The following EFCAB6 variants were observed in gnomAD, a reference collection of about 807,000 sequenced individuals.
The protein encoded by EFCAB6 is EF-hand calcium binding domain 6.
EFCAB6 carries 156 observed loss-of-function variants against 169.8 expected under a neutral mutation model. The ratio of observed to expected loss-of-function variants is 0.92; its 90% CI spans 0.81 to 1.05. The LOEUF is 1.05. Among genes scored for constraint, EFCAB6 ranks in the 50% least tolerant of loss-of-function variants. EFCAB6 has a pLI of 0.00. For missense variants in EFCAB6, 1,800 were observed against 1,829.1 expected (o/e 0.98, Z 0.29); for synonymous variants, 698 against 676.4 (o/e 1.03, Z -0.50).
rs200861793 is a variant in EFCAB6, at chr22:43,555,055, C to T, written c.3462G>A (p.Pro1154=). ...EWAEKMPKGP[P]PTSPKATADR... ...CGGCTGTGGCCTTGGGAGAGGTAGG[C>T]GGCGGGCCTTTGGGCATTTTCTCAG... The change falls in exon 27 of 32, where the codon CCG becomes CCA. Residue 1154 remains proline, a synonymous_variant. Coordinates refer to ENST00000262726, the MANE Select transcript of EFCAB6 (RefSeq NM_022785.4). 1.1e-5 allele frequency: 17 copies of T among 1,614,202 alleles called. No individual in the cohort carries two copies. Among genetic ancestry groups the T allele is most frequent in the African/African-American group, 1.3e-5 (1 of 75,040 alleles).
intron 5 of EFCAB6, among the ~76,000 whole-genome samples, chr22:43,761,118 G>A (rs2082713986): frequency 6.6e-6 from 1 of 152,152 alleles, no homozygotes. Flanking sequence ...ATAGGAGGGT[G>A]CCAATACTCT....
intron 8 of EFCAB6, among the ~76,000 whole-genome samples, chr22:43,718,131 G>T (rs1424048189): frequency 6.6e-6 from 1 of 151,962 alleles, no homozygotes; most frequent in African/African-American, 2.4e-5. Context: ...ACACGAAAAA[G>T]AAAAAGTGGT....
Position 43,711,916 on chromosome 22 carries a change from G to A in EFCAB6, c.883-293C>T, listed in dbSNP as rs541120496. Among the ~76,000 whole-genome samples, 39 of 152,198 alleles carry A rather than the reference G, an allele frequency of 2.6e-4. No individual in the cohort carries two copies. In the South Asian group the frequency reaches 3.7e-3, roughly 15 times the overall value. On this transcript the variant is annotated intron_variant, in intron 9 of 31. Transcript: ENST00000262726. ...GCTAAAAATACTTGGTAGATCTGCC[G>A]GTTTGATACATCTTCCTTAATATAC... is the stretch of plus-strand genomic sequence containing the variant.
intron 26 of EFCAB6, among the ~76,000 whole-genome samples, chr22:43,565,652 T>A (rs62226968): frequency 6.6e-6 from 1 of 152,180 alleles, no homozygotes; most frequent in Non-Finnish European, 1.5e-5. Flanking sequence ...AATGTAATTA[T>A]GAAGTTTATA....
At chr22:43,565,000 G>T (rs190237490) in intron 26 of EFCAB6, among the ~76,000 whole-genome samples, 1 of 152,330 alleles carries the variant, frequency 6.6e-6, no homozygotes, top group Non-Finnish European at 1.5e-5. Context: ...CTGTCTGTGT[G>T]CATGCCCTTT....
chr22:43,805,882 G>T (rs2062898980), intron 2 of EFCAB6, among the ~76,000 whole-genome samples: 1 of 152,106 alleles, frequency 6.6e-6, no homozygotes, highest in African/African-American at 2.4e-5. Context: ...AAGAAAAATA[G>T]GGCTGGGAGC....
intron 6 of EFCAB6, 52 bp from the exon 7 acceptor site, chr22:43,736,045 C>A: frequency 1.4e-6 from 2 of 1,478,026 alleles, no homozygotes; most frequent in East Asian, 2.5e-5. Context: ...TGTTAGGAAC[C>A]AAATGGTAAT....
intron 10 of EFCAB6, among the ~76,000 whole-genome samples, chr22:43,701,649 T>C (rs1037717963): frequency 2.6e-5 from 4 of 151,114 alleles, no homozygotes; most frequent in African/African-American, 9.7e-5. Context: ...GGTGGGAAAA[T>C]AGATTATCTA....
chr22:43,639,162 G>A (rs1326007909), intron 17 of EFCAB6, among the ~76,000 whole-genome samples: 7 of 152,166 alleles, frequency 4.6e-5, no homozygotes, highest in Non-Finnish European at 7.4e-5. Flanking sequence ...ATTCCTATGC[G>A]GTTTTTAAAT....
At chr22:43,712,801 C>T (rs1386390734) in intron 9 of EFCAB6, among the ~76,000 whole-genome samples, 1 of 151,602 alleles carries the variant, frequency 6.6e-6, no homozygotes, top group Admixed American at 6.6e-5. Flanking sequence ...TTTTTTTCTT[C>T]AGGAGAGTGT....
chr22:43,601,362 A>G (rs768277773), intron 22 of EFCAB6, among the ~76,000 whole-genome samples: 21 of 152,252 alleles, frequency 1.4e-4, no homozygotes, highest in Admixed American at 4.6e-4. Context: ...ATTTTTACAG[A>G]AAGATCTTGG....
intron 2 of EFCAB6, among the ~76,000 whole-genome samples, chr22:43,786,512 G>A (rs1180043209): frequency 1.3e-5 from 2 of 151,892 alleles, no homozygotes; most frequent in Non-Finnish European, 2.9e-5. Flanking sequence ...ACGAGGTCAG[G>A]AGATCAAGAC....
At chr22:43,545,567 G>C (rs2048008578) in intron 27 of EFCAB6, among the ~76,000 whole-genome samples, 1 of 152,232 alleles carries the variant, frequency 6.6e-6, no homozygotes, top group South Asian at 2.1e-4. Context: ...GGAGGCCAAA[G>C]TTTTGCGGAT....
intron 2 of EFCAB6, among the ~76,000 whole-genome samples, chr22:43,800,704 G>A (rs931246507): frequency 1.3e-5 from 2 of 151,902 alleles, no homozygotes; most frequent in Non-Finnish European, 2.9e-5. Flanking sequence ...ATTCATTAAC[G>A]GCTACCAACA....
At chr22:43,784,018 G>A (rs1011292248) in intron 2 of EFCAB6, among the ~76,000 whole-genome samples, 5 of 152,116 alleles carry the variant, frequency 3.3e-5, no homozygotes, top group East Asian at 1.9e-4. Flanking sequence ...ACAGTGAGCC[G>A]TGATTACGCC....
At chr22:43,542,271 A>G (rs987446659) in intron 27 of EFCAB6, among the ~76,000 whole-genome samples, 2 of 152,206 alleles carry the variant, frequency 1.3e-5, no homozygotes, top group African/African-American at 4.8e-5. Flanking sequence ...GGGGCTGGCC[A>G]ACTCCCTAAT....
Position 43,711,482 on chromosome 22 carries a change from T to C in EFCAB6, c.1024A>G (p.Met342Val), listed in dbSNP as rs769171630. The change falls in exon 10 of 32, where the codon ATG becomes GTG. Residue 342 changes from methionine (M) to valine (V), a missense_variant. Physicochemically the swap from Met to Val is conservative, Grantham distance 21. Transcript: ENST00000262726. ...QIPRRIFIQL[M>V]KRFGLKATTK... ...AAACAATGAGACTCTTACCTTTTCA[T>C]TAACTGGATAAAAATTCTTCTTGGT... The C allele has an allele frequency of 3.8e-6, 6 of 1,579,880 alleles. No individual in the cohort carries two copies. The African/African-American group carries it at 6.9e-5, about 18-fold the overall frequency.
chr22:43,623,377 G>GA (rs1387184340), intron 20 of EFCAB6, among the ~76,000 whole-genome samples: 2 of 151,446 alleles, frequency 1.3e-5, no homozygotes, highest in East Asian at 1.9e-4. Flanking sequence ...CGAAGAAGTA[G>GA]AAAAAAAAGG....
intron 27 of EFCAB6, among the ~76,000 whole-genome samples, chr22:43,541,781 C>T (rs574724771): frequency 6.6e-6 from 1 of 152,316 alleles, no homozygotes; most frequent in Admixed American, 6.5e-5. Flanking sequence ...GGTGCCAAAA[C>T]CACCTCTGCA....
Sources: gnomAD v4.1 joint callset for allele counts (sites outside exome capture counted in the v4.1 genomes callset) on GRCh38, gnomAD v4.1.1 for gene constraint, MANE v1.5 for transcripts, NCBI Gene and HGNC (gene_info 2026-07-23, HGNC 2026-07-21) for gene names.